The following SAMMSON variants were observed in gnomAD, a reference collection of about 807,000 sequenced individuals.
SAMMSON encodes the protein long intergenic non-protein coding RNA 1212.
chr3:70,272,618 C>T (rs78509606), intron 6 of SAMMSON, among the ~76,000 whole-genome samples: 11,157 of 152,140 alleles, frequency 0.073, 519 homozygotes, highest in East Asian at 0.13. Flanking sequence ...GGGTAAATAC[C>T]TAGGAGTAGA....
At chr3:70,133,130 G>C (rs1026398544) in intron 4 of SAMMSON, among the ~76,000 whole-genome samples, 11 of 152,164 alleles carry the variant, frequency 7.2e-5, no homozygotes, top group Non-Finnish European at 1.2e-4. Context: ...ATGCTGATGA[G>C]ATGACTAATG....
At chr3:70,110,017 T>A (rs1361285857) in intron 4 of SAMMSON, among the ~76,000 whole-genome samples, 3 of 152,216 alleles carry the variant, frequency 2.0e-5, no homozygotes, top group Non-Finnish European at 1.5e-5. Flanking sequence ...GGCCAGTGAA[T>A]AGATAACTTA....
chr3:70,040,557 G>A (rs1016510260), intron 3 of SAMMSON, among the ~76,000 whole-genome samples: 1 of 152,170 alleles, frequency 6.6e-6, no homozygotes, highest in East Asian at 1.9e-4. Context: ...TTGTCACTCT[G>A]GAGGCGTGGG....
At chr3:70,201,553 T>C (rs1402485878) in intron 4 of SAMMSON, among the ~76,000 whole-genome samples, 1 of 152,216 alleles carries the variant, frequency 6.6e-6, no homozygotes, top group Non-Finnish European at 1.5e-5. Flanking sequence ...TGAGTACTAT[T>C]ATGATCCCTG....
chr3:70,152,111 T>G (rs144024877), intron 4 of SAMMSON, among the ~76,000 whole-genome samples: 7 of 152,104 alleles, frequency 4.6e-5, no homozygotes, highest in Admixed American at 1.3e-4. Flanking sequence ...AGAGTAAAAA[T>G]ATTTATAAAA....
At chr3:70,421,634 T>C (rs1352456758) in intron 2 of SAMMSON, among the ~76,000 whole-genome samples, 1 of 152,096 alleles carries the variant, frequency 6.6e-6, no homozygotes, top group Non-Finnish European at 1.5e-5. Context: ...TTTAAGTTCT[T>C]AGTGCTCAGA....
chr3:70,261,216 A>G (rs1701863224), intron 6 of SAMMSON, among the ~76,000 whole-genome samples: 1 of 152,220 alleles, frequency 6.6e-6, no homozygotes, highest in African/African-American at 2.4e-5. Context: ...CAAAGCTTTG[A>G]ATCATTCACA....
At chr3:70,113,434 T>G (rs773799319) in intron 4 of SAMMSON, among the ~76,000 whole-genome samples, 6 of 152,228 alleles carry the variant, frequency 3.9e-5, no homozygotes, top group Non-Finnish European at 8.8e-5. Flanking sequence ...AGCAGTCTAT[T>G]TACAAAGGCA....
At chr3:70,141,906 A>G (rs1238042322) in intron 4 of SAMMSON, among the ~76,000 whole-genome samples, 2 of 152,310 alleles carry the variant, frequency 1.3e-5, no homozygotes, top group South Asian at 2.1e-4. Context: ...TTGTTAATCT[A>G]TTAAAAAAGT....
intron 3 of SAMMSON, among the ~76,000 whole-genome samples, chr3:70,063,671 C>T (rs555396938): frequency 2.6e-5 from 4 of 152,234 alleles, no homozygotes; most frequent in African/African-American, 7.2e-5. Context: ...TTGTTTCCTT[C>T]CCCCAGAAAC....
At chr3:70,291,095 T>C (rs1363445018) in intron 6 of SAMMSON, 1 of 152,086 alleles carries the variant, frequency 6.6e-6, no homozygotes, top group Admixed American at 6.5e-5. Flanking sequence ...GAGCTACTTA[T>C]TTTTTTATGA....
At chr3:70,366,746 T>G (rs1702923694) in intron 9 of SAMMSON, among the ~76,000 whole-genome samples, 1 of 151,686 alleles carries the variant, frequency 6.6e-6, no homozygotes, top group Non-Finnish European at 1.5e-5. Flanking sequence ...TGTAGGAAGC[T>G]GCTGAACTGT....
chr3:70,017,583 C>T (rs143243959), intron 3 of SAMMSON, among the ~76,000 whole-genome samples: 2 of 152,270 alleles, frequency 1.3e-5, no homozygotes, highest in Non-Finnish European at 2.9e-5. Flanking sequence ...ATTTCCTTCT[C>T]CTTCCTGATT....
rs184913755 is a variant in SAMMSON, at chr3:70,160,362, C to T, written n.508-88745C>T. On this transcript the variant is annotated intron_variant and non_coding_transcript_variant, in intron 4 of 9. Coordinates refer to ENST00000642114, the Ensembl canonical transcript of SAMMSON. ...ATTTCCTTCCTTCCCTTCCTCCCTC[C>T]CTCCCTCCCTCCCTTCCTTCTTTCT... Among the ~76,000 whole-genome samples the T allele has an allele frequency of 2.4e-3, 355 of 145,116 alleles. 2 individuals carry two copies. The highest frequency in any genetic ancestry group is 8.6e-3 in the African/African-American group (347 of 40,234).
At chr3:70,410,397 TA>T (rs1252057496) in intron 2 of SAMMSON, among the ~76,000 whole-genome samples, 2 of 152,196 alleles carry the variant, frequency 1.3e-5, no homozygotes, top group African/African-American at 4.8e-5. Context: ...AGACATTGTT[TA>T]AAAGACAAAT....
At chr3:70,163,783 T>C (rs1576140234) in intron 4 of SAMMSON, among the ~76,000 whole-genome samples, 1 of 152,180 alleles carries the variant, frequency 6.6e-6, no homozygotes, top group Middle Eastern at 3.4e-3. Flanking sequence ...CTCTTAATTT[T>C]ACTGAAGTTC....
intron 9 of SAMMSON, among the ~76,000 whole-genome samples, chr3:70,376,562 G>T (rs1469980051): frequency 6.6e-6 from 1 of 152,038 alleles, no homozygotes; most frequent in Non-Finnish European, 1.5e-5. Context: ...GTCCTTCTGT[G>T]ACAAAATGGG....
chr3:70,121,884 T>TC (rs35005633), intron 4 of SAMMSON, among the ~76,000 whole-genome samples: 2,537 of 152,060 alleles, frequency 0.017, 53 homozygotes, highest in African/African-American at 0.056. Context: ...ATTCTAAGGA[T>TC]CCCCCCTGCA....
chr3:70,057,200 G>A (rs887691522), intron 3 of SAMMSON, among the ~76,000 whole-genome samples: 6 of 152,082 alleles, frequency 3.9e-5, no homozygotes, highest in Non-Finnish European at 7.4e-5. Context: ...AATAAGTTTC[G>A]TGGATAATTT....
Sources: allele counts gnomAD v4.1 joint callset (sites outside exome capture counted in the v4.1 genomes callset), GRCh38; gene constraint gnomAD v4.1.1; transcripts MANE v1.5; gene names NCBI Gene and HGNC (gene_info 2026-07-23, HGNC 2026-07-21).